AXDND1: variants seen among roughly 807,000 people sequenced by gnomAD.
AXDND1 encodes the protein axonemal dynein light chain domain-containing protein 1.
A neutral mutation model predicts 137.5 loss-of-function variants in AXDND1; 110 were observed. The observed-to-expected ratio is 0.80, with a 90% CI of 0.69 to 0.94. The LOEUF (loss-of-function observed/expected upper bound fraction) is 0.94. AXDND1 is among the 40% of genes least tolerant of loss of function. AXDND1 has a pLI of 0.00. For missense variants in AXDND1, 1,191 were observed against 1,169.8 expected (o/e 1.02, Z -0.26); for synonymous variants, 414 against 399.7 (o/e 1.04, Z -0.43).
intron 18 of AXDND1, among the ~76,000 whole-genome samples, chr1:179,487,156 A>G (rs911918656): frequency 2.7e-5 from 4 of 148,702 alleles, no homozygotes; most frequent in African/African-American, 1.0e-4. Flanking sequence ...TGTAAAAACA[A>G]GAGTTGCTAT....
At chr1:179,475,358 G>A (rs1664483359) in intron 17 of AXDND1, among the ~76,000 whole-genome samples, 1 of 152,200 alleles carries the variant, frequency 6.6e-6, no homozygotes, top group Non-Finnish European at 1.5e-5. Context: ...GACCATGAAA[G>A]CAGCCAGGTG....
chr1:179,368,662 A>G (rs1667715749), intron 2 of AXDND1, 138 bp from the exon 3 acceptor site: 1 of 688,720 alleles, frequency 1.5e-6, no homozygotes, highest in Non-Finnish European at 2.4e-6. Flanking sequence ...TTTCAATATT[A>G]TTTGTTACTA....
chr1:179,407,096 T>C (rs1430645169), intron 11 of AXDND1, among the ~76,000 whole-genome samples: 2 of 152,134 alleles, frequency 1.3e-5, no homozygotes, highest in Non-Finnish European at 2.9e-5. Flanking sequence ...AATATAGGAC[T>C]ACCTTCAGGC....
chr1:179,465,717 G>C (rs1242778406), intron 16 of AXDND1, among the ~76,000 whole-genome samples: 1 of 152,240 alleles, frequency 6.6e-6, no homozygotes, highest in East Asian at 1.9e-4. Flanking sequence ...CCTGCCCCCA[G>C]AGATGGAGTC....
At chr1:179,525,265 A>C (rs1670422845) in intron 21 of AXDND1, 69 bp from the exon 22 acceptor site, 1 of 1,452,558 alleles carries the variant, frequency 6.9e-7, no homozygotes, top group Non-Finnish European at 9.2e-7. Context: ...GTGCTCATTA[A>C]ATATTTTGAA....
chr1:179,452,928 T>G (rs918955772), intron 16 of AXDND1: 1 of 152,110 alleles, frequency 6.6e-6, no homozygotes, highest in African/African-American at 2.4e-5. Flanking sequence ...AGGGTCCCCA[T>G]GCTGTGAGTA....
At chr1:179,473,720 C>G (rs1664251408) in intron 17 of AXDND1, among the ~76,000 whole-genome samples, 1 of 152,110 alleles carries the variant, frequency 6.6e-6, no homozygotes. Context: ...ATCATGAGAG[C>G]AGTTACCCCC....
At position 179,419,497 on chromosome 1, in the gene AXDND1, G is replaced by T. The variant is rs371049039; in HGVS notation, c.1230+8231G>T. On this transcript the variant is annotated intron_variant, in intron 12 of 25. Coordinates refer to ENST00000367618, the MANE Select transcript of AXDND1 (RefSeq NM_144696.6). Reference sequence around the variant, plus strand: ...GGCGTGGCGGCGTGCGCCTGCAATCGCAGGCACTCGGCAGGCTGAGGCAGG... The same window carrying T: ...GGCGTGGCGGCGTGCGCCTGCAATCTCAGGCACTCGGCAGGCTGAGGCAGG... Among the ~76,000 whole-genome samples, 34 of 149,570 alleles carry T rather than the reference G, an allele frequency of 2.3e-4. 1 individual carries two copies. The South Asian group carries it at 7.0e-3, about 31-fold the overall frequency.
chr1:179,517,686 G>A (rs1669673368), intron 21 of AXDND1, among the ~76,000 whole-genome samples: 1 of 152,200 alleles, frequency 6.6e-6, no homozygotes, highest in Non-Finnish European at 1.5e-5. Flanking sequence ...CTCCAGGTAA[G>A]GTTGGAAACT....
At chr1:179,521,086 G>A (rs766171695) in intron 21 of AXDND1, among the ~76,000 whole-genome samples, 21 of 151,746 alleles carry the variant, frequency 1.4e-4, no homozygotes, top group Admixed American at 2.0e-4. Context: ...CTCAGCCTCC[G>A]GACTATGTGG....
At chr1:179,444,441 C>A (rs77081079) in intron 15 of AXDND1, among the ~76,000 whole-genome samples, 1 of 152,028 alleles carries the variant, frequency 6.6e-6, no homozygotes, top group African/African-American at 2.4e-5. Flanking sequence ...GGGTAATGTT[C>A]CTATTATCTG....
At chr1:179,458,595 CAA>C (rs1188449455) in intron 16 of AXDND1, among the ~76,000 whole-genome samples, 2 of 151,650 alleles carry the variant, frequency 1.3e-5, no homozygotes, top group Non-Finnish European at 2.9e-5. Flanking sequence ...ATGAGCGATT[CAA>C]CATTAGGAAA....
intron 21 of AXDND1, among the ~76,000 whole-genome samples, chr1:179,522,530 A>G (rs1473213173): frequency 2.0e-5 from 3 of 152,140 alleles, no homozygotes; most frequent in African/African-American, 7.2e-5. Context: ...TTAGTTAAAT[A>G]CAACATGGTA....
At chr1:179,373,629 A>G (rs1252646240) in intron 4 of AXDND1, among the ~76,000 whole-genome samples, 2 of 152,180 alleles carry the variant, frequency 1.3e-5, no homozygotes, top group Admixed American at 1.3e-4. Flanking sequence ...CAAAACAGAT[A>G]TATAGACCAA....
chr1:179,540,327 G>A (rs891658172), intron 25 of AXDND1, among the ~76,000 whole-genome samples: 2 of 152,050 alleles, frequency 1.3e-5, no homozygotes, highest in East Asian at 1.9e-4. Context: ...CCATCTTTGT[G>A]GTTTTATCTA....
intron 16 of AXDND1, chr1:179,447,462 A>T: frequency 2.3e-6 from 1 of 433,086 alleles, no homozygotes; most frequent in Non-Finnish European, 4.1e-6. Flanking sequence ...CCCTTCAAAT[A>T]CTAATTTTGA....
chr1:179,366,364 CT>C (rs35129223), intron 1 of AXDND1, 39 bp from the exon 2 acceptor site: 21,250 of 485,688 alleles, frequency 0.044, no homozygotes, highest in Middle Eastern at 0.056. Flanking sequence ...TAGTTGTCAT[CT>C]TTTTTTTTTT....
At chr1:179,469,472 T>G (rs892287299) in intron 17 of AXDND1, among the ~76,000 whole-genome samples, 2 of 152,226 alleles carry the variant, frequency 1.3e-5, no homozygotes, top group Non-Finnish European at 2.9e-5. Flanking sequence ...CAATAAACAT[T>G]CATGTGCATG....
intron 12 of AXDND1, among the ~76,000 whole-genome samples, chr1:179,419,638 A>G: frequency 1.8e-5 from 1 of 54,792 alleles, no homozygotes. Context: ...GGGGAGAGGG[A>G]GAGGGAGAGG....
Sources: gnomAD v4.1 joint callset for allele counts (sites outside exome capture counted in the v4.1 genomes callset) on GRCh38, gnomAD v4.1.1 for gene constraint, MANE v1.5 for transcripts, NCBI Gene and HGNC (gene_info 2026-07-23, HGNC 2026-07-21) for gene names.